DLGAP1: variants seen among roughly 807,000 people sequenced by gnomAD.
The protein encoded by DLGAP1 is DLG associated protein 1, also known as disks large-associated protein 1.
In DLGAP1, 11 loss-of-function variants were observed where a neutral mutation model predicts 90.8. The ratio of observed to expected loss-of-function variants is 0.12; its 90% CI spans 0.08 to 0.20. The LOEUF (loss-of-function observed/expected upper bound fraction) is 0.20, where lower values mean the gene tolerates loss of function less well. Among genes scored for constraint, DLGAP1 ranks in the 10% least tolerant of loss-of-function variants. DLGAP1 has a pLI of 1.00. For missense variants in DLGAP1, 1,050 were observed against 1,333.8 expected (o/e 0.79, Z 3.31); for synonymous variants, 558 against 540.7 (o/e 1.03, Z -0.44).
chr18:3,637,574 CAAAAAAAAAAA>C (rs35620201), intron 7 of DLGAP1, among the ~76,000 whole-genome samples: 1 of 94,952 alleles, frequency 1.1e-5, no homozygotes, highest in East Asian at 3.0e-4. Flanking sequence ...TCTCCCCCAC[CAAAAAAAAAAA>C]AAAAAAAAAA....
At chr18:3,666,084 C>T (rs530711002) in intron 7 of DLGAP1, among the ~76,000 whole-genome samples, 1 of 152,074 alleles carries the variant, frequency 6.6e-6, no homozygotes, top group African/African-American at 2.4e-5. Context: ...GAGAGCCCCG[C>T]GGTCAGGCAG....
At chr18:3,562,412 C>T (rs1467601310) in intron 9 of DLGAP1, among the ~76,000 whole-genome samples, 2 of 151,884 alleles carry the variant, frequency 1.3e-5, no homozygotes, top group Admixed American at 1.3e-4. Flanking sequence ...GTGGGAGGAA[C>T]CTGGCAGGAG....
At chr18:3,995,437 C>T (rs1480607821) in intron 3 of DLGAP1, 1 of 152,062 alleles carries the variant, frequency 6.6e-6, no homozygotes, top group Admixed American at 6.5e-5. Context: ...GTATCTTCTT[C>T]GGGACAGAAA....
intron 1 of DLGAP1, among the ~76,000 whole-genome samples, chr18:4,415,026 C>T (rs1026777132): frequency 5.7e-5 from 8 of 141,042 alleles, no homozygotes; most frequent in Non-Finnish European, 1.2e-4. Flanking sequence ...TTGAAATATA[C>T]ATATATATAT....
At chr18:3,525,025 A>G (rs2051512204) in intron 10 of DLGAP1, among the ~76,000 whole-genome samples, 1 of 152,292 alleles carries the variant, frequency 6.6e-6, no homozygotes, top group East Asian at 1.9e-4. Context: ...TAATGAATAA[A>G]GAATGGATTC....
intron 1 of DLGAP1, among the ~76,000 whole-genome samples, chr18:4,299,684 G>A (rs2080076356): frequency 6.7e-6 from 1 of 148,298 alleles, no homozygotes; most frequent in Non-Finnish European, 1.5e-5. Flanking sequence ...GCAAGATTTT[G>A]TTTAAAAAAC....
rs1380434038 is a variant in DLGAP1 at position 4,417,282 on chromosome 18, A to G, written c.-267+37724T>C. 2.6e-5 allele frequency among the ~76,000 whole-genome samples: 4 copies of G among 152,286 alleles called. No homozygotes were observed. In the East Asian group the frequency reaches 5.8e-4, roughly 22 times the overall value. On this transcript the variant is annotated intron_variant, in intron 1 of 12. Transcript: ENST00000315677. ...AACAATCACTAAAATATTTATCACT[A>G]AATATATTTTGTTCTAGAAATAGAT...
intron 1 of DLGAP1, among the ~76,000 whole-genome samples, chr18:4,240,447 AAAGT>A (rs953503197): frequency 2.7e-4 from 41 of 152,174 alleles, no homozygotes; most frequent in Non-Finnish European, 1.0e-4. Context: ...GATTCCTAAG[AAAGT>A]AAGTCTTTTA....
intron 1 of DLGAP1, among the ~76,000 whole-genome samples, chr18:4,290,829 A>G (rs74601014): frequency 0.024 from 3,723 of 152,234 alleles, 169 homozygotes; most frequent in African/African-American, 0.085. Flanking sequence ...CCAAACCCAC[A>G]TGTGGTCTAT....
intron 1 of DLGAP1, among the ~76,000 whole-genome samples, chr18:4,381,394 G>T (rs2082114821): frequency 6.6e-6 from 1 of 152,136 alleles, no homozygotes; most frequent in African/African-American, 2.4e-5. Flanking sequence ...TATTTCAAAA[G>T]AACCAGTCCT....
intron 1 of DLGAP1, among the ~76,000 whole-genome samples, chr18:4,307,328 C>T: frequency 6.6e-6 from 1 of 152,246 alleles, no homozygotes; most frequent in Non-Finnish European, 1.5e-5. Context: ...CAGACTCCTT[C>T]TCCTCTTTCA....
intron 7 of DLGAP1, among the ~76,000 whole-genome samples, chr18:3,627,972 C>A (rs12959110): frequency 2.0e-5 from 3 of 149,470 alleles, no homozygotes; most frequent in African/African-American, 7.4e-5. Context: ...CCCACCTCCC[C>A]GGTTCCAGTG....
At chr18:4,405,691 C>T (rs1459983236) in intron 1 of DLGAP1, among the ~76,000 whole-genome samples, 1 of 152,152 alleles carries the variant, frequency 6.6e-6, no homozygotes, top group Non-Finnish European at 1.5e-5. Context: ...TCTCACCTAA[C>T]TGACTTATCT....
chr18:4,139,715 G>A (rs750920525), intron 2 of DLGAP1, among the ~76,000 whole-genome samples: 8 of 151,884 alleles, frequency 5.3e-5, no homozygotes, highest in South Asian at 2.1e-4. Context: ...AAAGTGGGGT[G>A]CTGAAATCTC....
chr18:3,836,939 T>G (rs1193747452), intron 4 of DLGAP1, among the ~76,000 whole-genome samples: 1 of 152,180 alleles, frequency 6.6e-6, no homozygotes. Flanking sequence ...ATACAAATGA[T>G]GAACAATGAA....
At chr18:4,401,667 A>C (rs1440621568) in intron 1 of DLGAP1, among the ~76,000 whole-genome samples, 1 of 152,212 alleles carries the variant, frequency 6.6e-6, no homozygotes, top group South Asian at 2.1e-4. Context: ...ATGTAGGTTG[A>C]ACTTTTAAAA....
At chr18:4,034,496 G>A (rs2074856382) in intron 2 of DLGAP1, among the ~76,000 whole-genome samples, 1 of 152,154 alleles carries the variant, frequency 6.6e-6, no homozygotes, top group Non-Finnish European at 1.5e-5. Context: ...AAGCAAAACT[G>A]TACCTTTAAA....
At position 4,383,002 on chromosome 18, in the gene DLGAP1, T is replaced by C. The variant is rs924532598; in HGVS notation, c.-267+72004A>G. The stretch of plus-strand genomic sequence containing the variant: ...CCAGCCAGTATATCAGTAACTGTAT[T>C]TAGAATTCACAGAGGATAACCAGCC... On this transcript the variant is annotated intron_variant, in intron 1 of 12. Transcript: ENST00000315677. The surrounding 1 kb of genome is among the most constrained non-coding windows in gnomAD (Gnocchi z 4.0). 4.6e-5 allele frequency among the ~76,000 whole-genome samples: 7 copies of C among 152,108 alleles called. No individual in the cohort carries two copies. The highest frequency in any genetic ancestry group is 2.6e-4 in the Admixed American group (4 of 15,256).
intron 1 of DLGAP1, among the ~76,000 whole-genome samples, chr18:4,321,969 G>GCA (rs1568512717): frequency 6.7e-6 from 1 of 149,348 alleles, no homozygotes; most frequent in African/African-American, 2.6e-5. Context: ...AGGCCTAGGG[G>GCA]GGTGGATCAC....
Sources: gnomAD v4.1 joint callset for allele counts (sites outside exome capture counted in the v4.1 genomes callset) on GRCh38, gnomAD v4.1.1 for gene constraint, Gnocchi (gnomAD v3.1) non-coding constraint, MANE v1.5 for transcripts, NCBI Gene and HGNC (gene_info 2026-07-23, HGNC 2026-07-21) for gene names.